Variants in ANO10 observed in about 807,000 individuals in gnomAD.
The protein encoded by ANO10 is anoctamin 10.
A neutral mutation model predicts 74.7 loss-of-function variants in ANO10; 77 were observed. The ratio of observed to expected loss-of-function variants is 1.03; its 90% CI spans 0.86 to 1.25. The LOEUF (loss-of-function observed/expected upper bound fraction) is 1.25, where lower values mean the gene tolerates loss of function less well. ANO10 is among the 50% of genes most tolerant of loss of function. The probability of loss-of-function intolerance (pLI) is 0.00; values close to 1 mark genes in which losing one functional copy is unlikely to be tolerated. For synonymous variants in ANO10, 279 were observed against 284.9 expected, an observed-to-expected ratio of 0.98 and a Z score of 0.21; for missense variants, 721 against 778.1, an observed-to-expected ratio of 0.93 and a Z score of 0.87.
intron 11 of ANO10, among the ~76,000 whole-genome samples, chr3:43,463,240 GC>G (rs947227136): frequency 2.0e-5 from 3 of 152,152 alleles, no homozygotes; most frequent in Non-Finnish European, 4.4e-5. Flanking sequence ...CTTAACACCA[GC>G]CCCTGAAAGC....
intron 12 of ANO10, among the ~76,000 whole-genome samples, chr3:43,380,117 AT>A (rs1362058417): frequency 6.6e-6 from 1 of 152,222 alleles, no homozygotes; most frequent in Non-Finnish European, 1.5e-5. Context: ...AGGCTTTCAA[AT>A]TAACCCCATC....
rs550610071 is a variant in ANO10 at position 43,669,806 on chromosome 3, C to T, written c.-12+21711G>A. Among the ~76,000 whole-genome samples the T allele has an allele frequency of 7.2e-4, 110 of 151,990 alleles. 1 individual carries two copies. Among genetic ancestry groups the T allele is most frequent in the African/African-American group, 2.6e-3 (107 of 41,456 alleles). On this transcript the variant is annotated intron_variant, in intron 1 of 3. Coordinates refer to the ANO10 transcript ENST00000413397. Reference sequence around the variant, plus strand: ...CAGTGGCACTATCTCGGCTCACTTCCACCTCCACCTCCTGAGTTCAAGCAG... The same window carrying T: ...CAGTGGCACTATCTCGGCTCACTTCTACCTCCACCTCCTGAGTTCAAGCAG...
chr3:43,620,643 T>C (rs1477932845), intron 1 of ANO10, among the ~76,000 whole-genome samples: 1 of 152,184 alleles, frequency 6.6e-6, no homozygotes, highest in Non-Finnish European at 1.5e-5. Context: ...CCGGGCATGG[T>C]GGCAGGCGCC....
chr3:43,685,824 T>C (rs2084267552), intron 1 of ANO10, among the ~76,000 whole-genome samples: 1 of 152,262 alleles, frequency 6.6e-6, no homozygotes, highest in Non-Finnish European at 1.5e-5. Flanking sequence ...TTAAAATATA[T>C]TGAAGATATT....
At chr3:43,688,066 T>G (rs1326479641) in intron 1 of ANO10, among the ~76,000 whole-genome samples, 1 of 152,144 alleles carries the variant, frequency 6.6e-6, no homozygotes, top group Admixed American at 6.5e-5. Context: ...ACTCCCAGAG[T>G]TGAGGAAGAT....
At chr3:43,653,204 C>T (rs1364535048) in intron 1 of ANO10, among the ~76,000 whole-genome samples, 10 of 151,426 alleles carry the variant, frequency 6.6e-5, no homozygotes, top group Non-Finnish European at 1.2e-4. Context: ...AGCAAGACTC[C>T]GTCTCAAAAA....
chr3:43,593,502 A>T (rs1301108114), intron 4 of ANO10, among the ~76,000 whole-genome samples: 1 of 152,166 alleles, frequency 6.6e-6, no homozygotes, highest in Non-Finnish European at 1.5e-5. Context: ...TCATATCCAG[A>T]CAAACTAAGC....
In ANO10 at chr3:43,460,768, A is replaced by G. The variant is rs78278922; in HGVS notation, c.1798-28041T>C. On this transcript the variant is annotated intron_variant, in intron 11 of 12. Coordinates refer to ENST00000292246, the MANE Select transcript of ANO10 (RefSeq NM_018075.5). ...AATCCAGATGAAACAGATAATTCTG[A>G]GAACAGGAGAGAGGGTTTTTTTTAA... Among the ~76,000 whole-genome samples the G allele has an allele frequency of 5.3e-3, 800 of 152,352 alleles. 5 individuals are homozygous for G. Among genetic ancestry groups the G allele is most frequent in the African/African-American group, 0.019 (771 of 41,570 alleles).
chr3:43,555,896 T>C (rs2079723760), intron 9 of ANO10, among the ~76,000 whole-genome samples: 1 of 152,140 alleles, frequency 6.6e-6, no homozygotes, highest in African/African-American at 2.4e-5. Flanking sequence ...TGGCAAAAGG[T>C]GCTTCTTCCA....
At chr3:43,372,133 C>T (rs1379058978) in intron 12 of ANO10, among the ~76,000 whole-genome samples, 2 of 152,152 alleles carry the variant, frequency 1.3e-5, no homozygotes, top group East Asian at 3.9e-4. Flanking sequence ...GCCAGTGCTC[C>T]AGCTCCCACC....
Position 43,605,808 on chromosome 3 carries a change from G to A in ANO10, c.45C>T (p.Phe15=), listed in dbSNP as rs1049122968. 15 of 1,613,568 alleles carry A rather than the reference G, an allele frequency of 9.3e-6. No individual in the cohort carries two copies. The African/African-American group carries it at 2.0e-4, about 22-fold the overall frequency. The change falls in exon 2 of 13, where the codon TTC becomes TTT. Residue 15 remains phenylalanine (F), a synonymous_variant. Transcript: ENST00000292246. ...LSALDTSESS[F]TPLVVIELAQ... is the part of the protein sequence containing the mutation. ...CAAGTTCTATGACCACCAAAGGTGT[G>A]AAAGAACTCTCAGAAGTATCCAAAG...
At chr3:43,515,342 G>A (rs762049464) in intron 11 of ANO10, among the ~76,000 whole-genome samples, 3 of 152,170 alleles carry the variant, frequency 2.0e-5, no homozygotes, top group Non-Finnish European at 4.4e-5. Flanking sequence ...TAAAAGGCTG[G>A]GTAAGAAAGA....
chr3:43,417,923 A>G (rs2092765625), intron 12 of ANO10, among the ~76,000 whole-genome samples: 1 of 152,218 alleles, frequency 6.6e-6, no homozygotes, highest in Non-Finnish European at 1.5e-5. Context: ...CGATAACAGC[A>G]ATGATATCAA....
At chr3:43,648,380 C>T (rs2083748664) in intron 1 of ANO10, among the ~76,000 whole-genome samples, 1 of 152,082 alleles carries the variant, frequency 6.6e-6, no homozygotes, top group South Asian at 2.1e-4. Context: ...AGGGCGAGTC[C>T]ATAGAGTAAA....
At chr3:43,375,668 A>G (rs1315926786) in intron 12 of ANO10, among the ~76,000 whole-genome samples, 1 of 152,044 alleles carries the variant, frequency 6.6e-6, no homozygotes, top group Non-Finnish European at 1.5e-5. Context: ...TAGCTAAAAG[A>G]GGCAGGTGAA....
intron 12 of ANO10, among the ~76,000 whole-genome samples, chr3:43,395,889 GTC>G (rs1288713705): frequency 6.6e-6 from 1 of 152,092 alleles, no homozygotes; most frequent in Non-Finnish European, 1.5e-5. Context: ...GGGCCATATA[GTC>G]TCTGTCACAA....
intron 11 of ANO10, among the ~76,000 whole-genome samples, chr3:43,500,405 C>A (rs960338418): frequency 6.6e-6 from 1 of 152,270 alleles, no homozygotes; most frequent in South Asian, 2.1e-4. Context: ...AGGTTTATAG[C>A]CCCACCCAGA....
chr3:43,498,681 T>C (rs1377142201), intron 11 of ANO10, among the ~76,000 whole-genome samples: 2 of 152,240 alleles, frequency 1.3e-5, no homozygotes, highest in African/African-American at 4.8e-5. Context: ...TGAGATTTAC[T>C]GATGCTGTCC....
At chr3:43,472,353 T>A (rs577459010) in intron 11 of ANO10, 1 of 152,360 alleles carries the variant, frequency 6.6e-6, no homozygotes, top group East Asian at 1.9e-4. Context: ...CCAAAAAGTA[T>A]GACTTTTCCT....
Sources: allele counts gnomAD v4.1 joint callset (sites outside exome capture counted in the v4.1 genomes callset), GRCh38; gene constraint gnomAD v4.1.1; transcripts MANE v1.5; gene names NCBI Gene and HGNC (gene_info 2026-07-23, HGNC 2026-07-21).